JMJD1C: variants seen among roughly 807,000 people sequenced by gnomAD.
JMJD1C encodes jumonji domain-containing protein 1C.
A neutral mutation model predicts 245.3 loss-of-function variants in JMJD1C; 31 were observed. The observed-to-expected ratio is 0.13, with a 90% CI of 0.09 to 0.17. The LOEUF (loss-of-function observed/expected upper bound fraction) is 0.17. Ranked by LOEUF, JMJD1C falls within the 10% of genes least tolerant of loss-of-function variation. JMJD1C has a pLI of 1.00. For missense variants in JMJD1C, 2,691 were observed against 3,000.2 expected, an observed-to-expected ratio of 0.90 and a Z score of 2.41; for synonymous variants, 1,057 against 1,017.4, an observed-to-expected ratio of 1.04 and a Z score of -0.74.
chr10:63,499,158 G>C (rs947805385), intron 1 of JMJD1C, among the ~76,000 whole-genome samples: 1 of 152,104 alleles, frequency 6.6e-6, no homozygotes, highest in African/African-American at 2.4e-5. Flanking sequence ...TGGTTATTCT[G>C]AATAGTGCTG....
At position 63,355,433 on chromosome 10, in the gene JMJD1C, T is replaced by A. The variant is rs149583885; in HGVS notation, c.333+24885A>T. ...CTATGCAATTTTGTAATGTGCAGAT[T>A]CATTTAACATCATGACCACAACCAT... On this transcript the variant is annotated intron_variant, in intron 2 of 25. Coordinates refer to ENST00000399262, the MANE Select transcript of JMJD1C (RefSeq NM_032776.3). Among the ~76,000 whole-genome samples the A allele has an allele frequency of 5.9e-3, 897 of 152,340 alleles. 7 individuals are homozygous for A. The highest frequency in any genetic ancestry group is 0.025 in the East Asian group (132 of 5,180).
At chr10:63,484,627 CT>C (rs1351546619) in intron 1 of JMJD1C, among the ~76,000 whole-genome samples, 1 of 151,662 alleles carries the variant, frequency 6.6e-6, no homozygotes, top group Admixed American at 6.6e-5. Flanking sequence ...GACAACCCTA[CT>C]TTTACTGTCT....
At chr10:63,229,745 A>G (rs183907731) in intron 3 of JMJD1C, among the ~76,000 whole-genome samples, 1 of 152,354 alleles carries the variant, frequency 6.6e-6, no homozygotes, top group Admixed American at 6.5e-5. Context: ...AGGGGAAAAC[A>G]GCAAACACCA....
intron 1 of JMJD1C, among the ~76,000 whole-genome samples, chr10:63,408,220 G>T (rs1299507499): frequency 1.3e-5 from 2 of 151,970 alleles, no homozygotes; most frequent in Non-Finnish European, 2.9e-5. Context: ...TGGCTAACAC[G>T]GTGAAACCCC....
intron 2 of JMJD1C, among the ~76,000 whole-genome samples, chr10:63,379,751 A>T (rs1488107682): frequency 6.6e-6 from 1 of 152,202 alleles, no homozygotes; most frequent in African/African-American, 2.4e-5. Flanking sequence ...TGATAGAATA[A>T]ACTTATTCAT....
At chr10:63,461,090 T>C (rs554245937) in intron 1 of JMJD1C, among the ~76,000 whole-genome samples, 2 of 152,296 alleles carry the variant, frequency 1.3e-5, no homozygotes, top group South Asian at 2.1e-4. Context: ...CTTTTAAAAC[T>C]AGCTAGTGGT....
intron 2 of JMJD1C, among the ~76,000 whole-genome samples, chr10:63,336,065 G>A (rs1342638384): frequency 6.6e-6 from 1 of 152,108 alleles, no homozygotes; most frequent in Non-Finnish European, 1.5e-5. Flanking sequence ...AGGCTGCGGT[G>A]AGCGGAGATC....
intron 2 of JMJD1C, among the ~76,000 whole-genome samples, chr10:63,325,271 C>T (rs1035592872): frequency 2.6e-5 from 4 of 152,120 alleles, no homozygotes; most frequent in South Asian, 2.1e-4. Context: ...ACACAAATGA[C>T]GTAAAACAGG....
At chr10:63,473,978 C>T (rs1391982834) in intron 1 of JMJD1C, among the ~76,000 whole-genome samples, 1 of 151,440 alleles carries the variant, frequency 6.6e-6, no homozygotes, top group African/African-American at 2.4e-5. Flanking sequence ...GGGAGGCGAA[C>T]GTTGCAGTGA....
intron 1 of JMJD1C, among the ~76,000 whole-genome samples, chr10:63,487,915 T>C (rs766925705): frequency 6.6e-6 from 1 of 152,234 alleles, no homozygotes; most frequent in Non-Finnish European, 1.5e-5. Context: ...ATTTCATTTA[T>C]TCCTCATGTA....
At chr10:63,241,000 T>C (rs1226083382) in intron 3 of JMJD1C, among the ~76,000 whole-genome samples, 3 of 152,146 alleles carry the variant, frequency 2.0e-5, no homozygotes, top group African/African-American at 7.2e-5. Flanking sequence ...ACAAAGCAAA[T>C]GAGTAAGCCT....
chr10:63,244,637 G>C (rs1564671702), intron 3 of JMJD1C, among the ~76,000 whole-genome samples: 3 of 152,096 alleles, frequency 2.0e-5, no homozygotes, highest in Admixed American at 6.6e-5. Context: ...GCTGTTTTAA[G>C]AAAACAGAGT....
In JMJD1C at chr10:63,208,771, T is replaced by C. The variant is rs560842782; in HGVS notation, c.2898A>G (p.Pro966=). The C allele has an allele frequency of 5.0e-6, 8 of 1,593,264 alleles. No individual in the cohort carries two copies. The East Asian group carries it at 1.8e-4, about 36-fold the overall frequency. Reference sequence around the variant, plus strand: ...CTGATGTGGATGCAACAGACCGTAATGGTTCCATAAAAGCTTTTCTTTCTA... The same window carrying C: ...CTGATGTGGATGCAACAGACCGTAACGGTTCCATAAAAGCTTTTCTTTCTA... The part of the protein sequence containing the change: ...EELERKAFME[P]LRSVASTSAK... The change falls in exon 10 of 26, where the codon CCA becomes CCG. Residue 966 remains proline, a synonymous_variant. Coordinates refer to ENST00000399262, the MANE Select transcript of JMJD1C (RefSeq NM_032776.3).
At chr10:63,513,952 T>C (rs1954945954) in intron 1 of JMJD1C, among the ~76,000 whole-genome samples, 1 of 151,546 alleles carries the variant, frequency 6.6e-6, no homozygotes. Flanking sequence ...AATAACCCCA[T>C]TTAAAAATGG....
At position 63,296,366 on chromosome 10, in the gene JMJD1C, T is replaced by A. The variant is rs142747247; in HGVS notation, c.334-31602A>T. ...AACAGCAGCACTATTAACTCATGCCTAAATGAAACTTGTCTAACACATGTA... is the reference window on the plus strand; with the variant it reads ...AACAGCAGCACTATTAACTCATGCCAAAATGAAACTTGTCTAACACATGTA... On this transcript the variant is annotated intron_variant, in intron 2 of 25. Transcript: ENST00000399262. 2.7e-4 allele frequency among the ~76,000 whole-genome samples: 41 copies of A among 152,210 alleles called. No individual in the cohort carries two copies. In the East Asian group the frequency reaches 7.7e-3, roughly 29 times the overall value.
chr10:63,225,463 A>G, intron 3 of JMJD1C, among the ~76,000 whole-genome samples: 1 of 152,096 alleles, frequency 6.6e-6, no homozygotes, highest in African/African-American at 2.4e-5. Context: ...CATTAGTGAG[A>G]CACCTTAATG....
At chr10:63,187,198 CCATTAAA>C (rs1023301716) in intron 18 of JMJD1C, among the ~76,000 whole-genome samples, 1 of 151,810 alleles carries the variant, frequency 6.6e-6, no homozygotes, top group African/African-American at 2.4e-5. Context: ...GTTGAATGTT[CCATTAAA>C]CATTTTTTCA....
intron 17 of JMJD1C, among the ~76,000 whole-genome samples, chr10:63,189,771 T>C (rs1844542875): frequency 6.6e-6 from 1 of 152,182 alleles, no homozygotes; most frequent in South Asian, 2.1e-4. Context: ...GATGAGGGTC[T>C]TGCTATGTTG....
chr10:63,234,081 G>A (rs1850349799), intron 3 of JMJD1C, among the ~76,000 whole-genome samples: 1 of 151,990 alleles, frequency 6.6e-6, no homozygotes, highest in Admixed American at 6.6e-5. Flanking sequence ...AAATTTTGTT[G>A]GTAATGATAA....
Sources: gnomAD v4.1 joint callset for allele counts (sites outside exome capture counted in the v4.1 genomes callset) on GRCh38, gnomAD v4.1.1 for gene constraint, MANE v1.5 for transcripts, NCBI Gene and HGNC (gene_info 2026-07-23, HGNC 2026-07-21) for gene names.